The following HORMAD2 variants were observed in gnomAD, a reference collection of about 807,000 sequenced individuals.
The protein encoded by HORMAD2 is HORMA domain containing 2, also known as HORMA domain-containing protein 2.
A neutral mutation model predicts 38.8 loss-of-function variants in HORMAD2; 45 were observed. The observed-to-expected ratio is 1.16, with a 90% CI of 0.91 to 1.49. The LOEUF (loss-of-function observed/expected upper bound fraction) is 1.49, where lower values mean the gene tolerates loss of function less well. Among genes scored for constraint, HORMAD2 ranks in the 40% most tolerant of loss-of-function variants. HORMAD2 has a pLI of 0.00. For missense variants in HORMAD2, 338 were observed against 367.0 expected (o/e 0.92, Z 0.65); for synonymous variants, 126 against 122.8 (o/e 1.03, Z -0.17).
At chr22:30,163,031 A>G (rs1925550029) in intron 10 of HORMAD2, among the ~76,000 whole-genome samples, 2 of 152,176 alleles carry the variant, frequency 1.3e-5, no homozygotes, top group African/African-American at 2.4e-5. Flanking sequence ...TCACAAATGC[A>G]ATAATATTGT....
chr22:30,121,169 G>A (rs1046854439), intron 8 of HORMAD2, among the ~76,000 whole-genome samples: 10 of 152,166 alleles, frequency 6.6e-5, no homozygotes, highest in African/African-American at 1.7e-4. Context: ...ATACTTTTGC[G>A]AGATAATCAG....
intron 3 of HORMAD2, 35 bp from the exon 4 acceptor site, chr22:30,103,401 AG>A (rs765564650): frequency 5.1e-6 from 6 of 1,168,830 alleles, no homozygotes; most frequent in African/African-American, 3.1e-5. Flanking sequence ...GCAGTCATTT[AG>A]TAGATAAAAA....
At chr22:30,091,860 G>GTTATT (rs533536243) in intron 1 of HORMAD2, among the ~76,000 whole-genome samples, 39 of 151,684 alleles carry the variant, frequency 2.6e-4, no homozygotes, top group Admixed American at 1.2e-3. Flanking sequence ...GTTATTTTTT[G>GTTATT]TTATTTTATT....
chr22:30,104,535 AT>A lies in HORMAD2; in HGVS notation c.294+99del, dbSNP rs1921044295. On this transcript the variant is annotated intron_variant, in intron 5 of 10. Transcript: ENST00000336726. ...TTATTTTGTTTTTGTGTTTAACAGT[AT>A]AAGTGTCTACGTTTGCATCCATAAA... 8 of 970,474 alleles carry A rather than the reference AT, an allele frequency of 8.2e-6. No individual in the cohort carries two copies. In the South Asian group the frequency reaches 1.1e-4, roughly 13 times the overall value. The allele number at this position is 970,474 out of a possible 1,614,324, so 60.1% of individuals were successfully genotyped here.
intron 10 of HORMAD2, among the ~76,000 whole-genome samples, chr22:30,161,910 A>T (rs1925464101): frequency 6.6e-6 from 1 of 152,212 alleles, no homozygotes. Context: ...ATGAAACTTC[A>T]TATTTTTAAG....
intron 4 of HORMAD2, 24 bp downstream of exon 4, chr22:30,103,524 A>G (rs1399389089): frequency 8.1e-7 from 1 of 1,238,078 alleles, no homozygotes; most frequent in East Asian, 2.6e-5. Context: ...ATTCTATAAA[A>G]GTTGAACAAC....
chr22:30,099,060 T>C, intron 3 of HORMAD2, 67 bp downstream of exon 3: 1 of 1,383,580 alleles, frequency 7.2e-7, no homozygotes. Flanking sequence ...GGAATAAACC[T>C]TTCACGTCTC....
intron 10 of HORMAD2, among the ~76,000 whole-genome samples, chr22:30,163,397 T>A (rs1925573957): frequency 2.0e-5 from 3 of 152,158 alleles, no homozygotes. Flanking sequence ...GGTTTTGTCA[T>A]TTTTATAAAT....
intron 2 of HORMAD2, among the ~76,000 whole-genome samples, chr22:30,096,260 A>G (rs1023327679): frequency 6.6e-6 from 1 of 152,170 alleles, no homozygotes; most frequent in South Asian, 2.1e-4. Context: ...TTCATGTCCT[A>G]TAGTGAACAT....
the HORMAD2 span, among the ~76,000 whole-genome samples, chr22:30,194,472 C>T: frequency 6.6e-6 from 1 of 152,132 alleles, no homozygotes; most frequent in Non-Finnish European, 1.5e-5. Context: ...TGTGATGAAG[C>T]AGATTCTCAT....
rs758014268 is a variant in HORMAD2 at position 30,099,008 on chromosome 22, A to C, written c.193+15A>C. On this transcript the variant is annotated intron_variant, in intron 3 of 10. Coordinates refer to ENST00000336726, the MANE Select transcript of HORMAD2 (RefSeq NM_152510.4). ...CCATTTGGATGGTAAAGTTAAACTAACTAGTCTCTTTGGCTGTTGTAGCCC... is the reference window on the plus strand; with the variant it reads ...CCATTTGGATGGTAAAGTTAAACTACCTAGTCTCTTTGGCTGTTGTAGCCC... The C allele has an allele frequency of 6.2e-7, 1 of 1,602,108 alleles. No individual in the cohort carries two copies. Among genetic ancestry groups the C allele is most frequent in the South Asian group, 1.1e-5 (1 of 89,122 alleles).
In HORMAD2 at chr22:30,121,573, T is replaced by G; in HGVS notation, c.411-59T>G. The G allele has an allele frequency of 2.2e-6, 3 of 1,354,432 alleles. No individual in the cohort carries two copies. In the African/African-American group the frequency reaches 4.4e-5, roughly 20 times the overall value. The allele number at this position is 1,354,432 out of a possible 1,614,324, so 83.9% of individuals were successfully genotyped here. A position where few individuals can be genotyped will look rare whatever the true frequency, so the allele number is the denominator to read the frequency against. Reference sequence around the variant, plus strand: ...TCACATAGTCAAAAGTTTTGTTCCTTTTGGGATAGATTGCCACTATTGTAT... The same window carrying G: ...TCACATAGTCAAAAGTTTTGTTCCTGTTGGGATAGATTGCCACTATTGTAT... On this transcript the variant is annotated intron_variant, in intron 8 of 10. Transcript: ENST00000336726.
chr22:30,132,559 C>A lies in HORMAD2; in HGVS notation c.819+10345C>A, dbSNP rs865815754. 1.7e-3 allele frequency among the ~76,000 whole-genome samples: 258 copies of A among 151,506 alleles called. 3 individuals carry two copies. The highest frequency in any genetic ancestry group is 0.014 in the Middle Eastern group (4 of 290). On this transcript the variant is annotated intron_variant, in intron 10 of 10. Coordinates refer to ENST00000336726, the MANE Select transcript of HORMAD2 (RefSeq NM_152510.4). The stretch of plus-strand genomic sequence containing the variant: ...CGTCTCAAAAAAAAAAAAACAAAAC[C>A]AAAAAACCACACACACACACATCAT...
chr22:30,121,482 C>T, intron 8 of HORMAD2, 150 bp from the exon 9 acceptor site: 2 of 534,100 alleles, frequency 3.7e-6, no homozygotes, highest in Non-Finnish European at 6.1e-6. Context: ...GCAAAAAGTA[C>T]CATCGCTCCC....
chr22:30,167,942 T>G (rs1365257339), intron 10 of HORMAD2, among the ~76,000 whole-genome samples: 1 of 152,170 alleles, frequency 6.6e-6, no homozygotes, highest in Admixed American at 6.6e-5. Context: ...TTTCTACATC[T>G]GTACAAGAGG....
At chr22:30,131,350 C>A (rs1219049363) in intron 10 of HORMAD2, among the ~76,000 whole-genome samples, 2 of 152,026 alleles carry the variant, frequency 1.3e-5, no homozygotes, top group African/African-American at 4.8e-5. Flanking sequence ...ATATTTTAAC[C>A]ATATTTTTAG....
intron 5 of HORMAD2, among the ~76,000 whole-genome samples, chr22:30,107,362 G>T (rs1921277291): frequency 6.6e-6 from 1 of 152,150 alleles, no homozygotes; most frequent in African/African-American, 2.4e-5. Flanking sequence ...AGATGACTTA[G>T]TCTCTTAAGT....
At chr22:30,096,130 A>C (rs2068777377) in intron 2 of HORMAD2, among the ~76,000 whole-genome samples, 1 of 152,250 alleles carries the variant, frequency 6.6e-6, no homozygotes, top group East Asian at 1.9e-4. Context: ...ATTCATTCTC[A>C]TTGCTATATA....
downstream of HORMAD2, among the ~76,000 whole-genome samples, chr22:30,181,685 A>G (rs1194357130): frequency 1.3e-5 from 2 of 152,254 alleles, no homozygotes; most frequent in African/African-American, 4.8e-5. Context: ...AACCACAGAC[A>G]CATTCTGTGT....
Sources: allele counts gnomAD v4.1 joint callset (sites outside exome capture counted in the v4.1 genomes callset), GRCh38; gene constraint gnomAD v4.1.1; transcripts MANE v1.5; gene names NCBI Gene and HGNC (gene_info 2026-07-23, HGNC 2026-07-21).